RND2: variants seen among roughly 807,000 people sequenced by gnomAD.
RND2 encodes Rho family GTPase 2.
Under a neutral mutation model 25.9 loss-of-function variants are expected in RND2, and 16 were observed. That is an observed-to-expected ratio of 0.62 (90% CI 0.42 to 0.94). RND2 has a LOEUF of 0.94. RND2 is among the 40% of genes least tolerant of loss of function. RND2 has a pLI of 0.00. For synonymous variants in RND2, 97 were observed against 118.1 expected, an observed-to-expected ratio of 0.82 and a Z score of 1.16; for missense variants, 276 against 305.5, an observed-to-expected ratio of 0.90 and a Z score of 0.72.
chr17:43,030,971 G>A lies in RND2; in HGVS notation c.*2291G>A, dbSNP rs1162490929. 5 of 151,850 alleles carry A rather than the reference G, an allele frequency of 3.3e-5. No individual in the cohort carries two copies. The highest frequency in any genetic ancestry group is 4.8e-5 in the African/African-American group (2 of 41,334). The allele number at this position is 151,850 out of a possible 1,614,324, so 9.4% of individuals were successfully genotyped here. ...GTGTCATTTAAAATAATAGCTTCTC[G>A]GCAGTGGCTCACACCTATAATCCCA... On this transcript the variant is annotated 3_prime_UTR_variant, in exon 5 of 5. Coordinates refer to ENST00000587250, the MANE Select transcript of RND2 (RefSeq NM_005440.5).
chr17:43,026,030 A>G lies in RND2; in HGVS notation c.173A>G (p.Asn58Ser), dbSNP rs2050620530. 2 of 1,609,798 alleles carry G rather than the reference A, an allele frequency of 1.2e-6. No homozygotes were observed. Among genetic ancestry groups the G allele is most frequent in the South Asian group, 1.1e-5 (1 of 91,028 alleles). ...ATCGACAAGCGCCGCATTGAGCTCA[A>G]CATGTGGGACACTTCAGGTAGCCAA... ...FEIDKRRIEL[N>S]MWDTSGSSYY... The change falls in exon 2 of 5, where the codon AAC (asparagine) becomes AGC (serine). Residue 58 changes from asparagine to serine, a missense_variant. Coordinates refer to ENST00000587250, the MANE Select transcript of RND2 (RefSeq NM_005440.5).
In RND2 at chr17:43,028,921, G is replaced by C. The variant is rs1310716728; in HGVS notation, c.*241G>C. 1 of 583,368 alleles carries C rather than the reference G, an allele frequency of 1.7e-6. No homozygotes were observed. Among genetic ancestry groups the C allele is most frequent in the Non-Finnish European group, 2.9e-6 (1 of 339,536 alleles). The allele number at this position is 583,368 out of a possible 1,614,324, so 36.1% of individuals were successfully genotyped here. On this transcript the variant is annotated 3_prime_UTR_variant, in exon 5 of 5. Transcript: ENST00000587250. Reference sequence around the variant, plus strand: ...GGCTGGCATCTGGGGCATGAACTGGGATGGGGCAGGTGGGCGTTAGGGAAG... The same window carrying C: ...GGCTGGCATCTGGGGCATGAACTGGCATGGGGCAGGTGGGCGTTAGGGAAG...
chr17:43,025,666 C>A, intron 1 of RND2: 1 of 230,870 alleles, frequency 4.3e-6, no homozygotes, highest in Non-Finnish European at 7.1e-6. Flanking sequence ...TTGGGAGAAC[C>A]AGAGCATCCG....
intron 1 of RND2, 71 bp downstream of exon 1, chr17:43,025,520 G>T: frequency 1.3e-6 from 2 of 1,512,842 alleles, no homozygotes; most frequent in Non-Finnish European, 1.8e-6. Context: ...CCCTGGCGAC[G>T]GATGGGAATG....
chr17:43,025,462 C>T lies in RND2; in HGVS notation c.102+13C>T, dbSNP rs2050612908. Reference sequence around the variant, plus strand: ...CGCCTATCCCGGGGTGAGGGACCTGCGTCTTGGGAGGGGGACGCTAAGGCT... The same window carrying T: ...CGCCTATCCCGGGGTGAGGGACCTGTGTCTTGGGAGGGGGACGCTAAGGCT... On this transcript the variant is annotated intron_variant, in intron 1 of 4. Transcript: ENST00000587250. 2.7e-6 allele frequency: 4 copies of T among 1,486,896 alleles called. No homozygotes were observed. The highest frequency in any genetic ancestry group is 1.2e-5 in the South Asian group (1 of 80,460). 92.1% of individuals were successfully genotyped at this position (1,486,896 alleles called of 1,614,324 possible).
intron 2 of RND2, 88 bp downstream of exon 2, chr17:43,026,135 C>T: frequency 2.5e-6 from 2 of 811,702 alleles, no homozygotes; most frequent in Admixed American, 2.2e-5. Flanking sequence ...CCAGGTAAGC[C>T]CAGCCCATCC....
chr17:43,028,426 T>C lies in RND2; in HGVS notation c.436-6T>C. On this transcript the variant is annotated splice_region_variant and splice_polypyrimidine_tract_variant and intron_variant, in intron 4 of 4. Transcript: ENST00000587250. The stretch of plus-strand genomic sequence containing the variant: ...ACTTTCTCCCATGCACTCCTTCCTT[T>C]TCCAGGGCACTGTGCTGGCCAAGCA... 6.2e-7 allele frequency: 1 copy of C among 1,611,890 alleles called. No homozygotes were observed. The highest frequency in any genetic ancestry group is 1.1e-5 in the South Asian group (1 of 91,058).
chr17:43,028,209 C>T lies in RND2; in HGVS notation c.435+14C>T, dbSNP rs2050640045. 12 of 1,614,020 alleles carry T rather than the reference C, an allele frequency of 7.4e-6. No homozygotes were observed. The highest frequency in any genetic ancestry group is 2.2e-5 in the East Asian group (1 of 44,886). ...ACACATGAGCAGGTGGGACCCTTGA[C>T]GTCTGACCTCATCCCAGCCTAGACC... On this transcript the variant is annotated intron_variant, in intron 4 of 4. Coordinates refer to ENST00000587250, the MANE Select transcript of RND2 (RefSeq NM_005440.5).
chr17:43,025,657 T>G, intron 1 of RND2: 1 of 254,592 alleles, frequency 3.9e-6, no homozygotes, highest in Non-Finnish European at 6.1e-6. Context: ...AGATGGGGTT[T>G]GGGAGAACCA....
At chr17:43,026,641 T>TC (rs1178944287) in intron 2 of RND2, among the ~76,000 whole-genome samples, 3 of 152,122 alleles carry the variant, frequency 2.0e-5, no homozygotes, top group Non-Finnish European at 4.4e-5. Flanking sequence ...AGAGCGAGAC[T>TC]CCATCTCAAA....
At position 43,025,957 on chromosome 17, in the gene RND2, CAG is replaced by C. The variant is rs765574637; in HGVS notation, c.103_104del. 3.0e-5 allele frequency: 49 copies of C among 1,609,842 alleles called. No homozygotes were observed. Among genetic ancestry groups the C allele is most frequent in the Non-Finnish European group, 3.9e-5 (46 of 1,176,606 alleles). On this transcript the variant is annotated splice_acceptor_variant, in intron 1 of 4. Coordinates refer to ENST00000587250, the MANE Select transcript of RND2 (RefSeq NM_005440.5). LOFTEE classifies it high-confidence loss of function. ...TCTCATCTGGATCCATCCGTGTCTG[CAG>C]AGTTATGTCCCCACCGTGTTTGAGA...
rs1016068174 is a variant in RND2, at chr17:43,027,265, A to G, written c.273A>G (p.Pro91=). ...AVLICFDISR[P]ETLDSVLKKW... is the part of the protein sequence containing the mutation. ...TCATCTGCTTCGACATTAGCCGACCAGAAACACTGGACAGTGTTCTCAAGA... is the reference window on the plus strand; with the variant it reads ...TCATCTGCTTCGACATTAGCCGACCGGAAACACTGGACAGTGTTCTCAAGA... The change falls in exon 3 of 5, where the codon CCA becomes CCG. Residue 91 remains proline (P), a synonymous_variant. Coordinates refer to ENST00000587250, the MANE Select transcript of RND2 (RefSeq NM_005440.5). The G allele has an allele frequency of 1.2e-6, 2 of 1,612,866 alleles. No homozygotes were observed. Among genetic ancestry groups the G allele is most frequent in the African/African-American group, 1.3e-5 (1 of 74,904 alleles).
Position 43,027,219 on chromosome 17 carries a change from A to C in RND2, c.227A>C (p.Tyr76Ser). ...TATGATAATGTCCGGCCTCTGGCCT[A>C]TCCTGATTCTGATGCTGTGCTCATC... ...SYYDNVRPLA[Y>S]PDSDAVLICF... is the part of the protein sequence containing the mutation. The change falls in exon 3 of 5, where the codon TAT becomes TCT. Residue 76 changes from tyrosine (Y) to serine (S), a missense_variant. By Grantham distance (144) the Tyr-to-Ser change is moderately radical. Coordinates refer to ENST00000587250, the MANE Select transcript of RND2 (RefSeq NM_005440.5). The C allele has an allele frequency of 6.2e-7, 1 of 1,612,380 alleles. No individual in the cohort carries two copies. The highest frequency in any genetic ancestry group is 1.1e-5 in the South Asian group (1 of 90,848).
In RND2 at chr17:43,031,511, G is replaced by C. The variant is rs1381734511; in HGVS notation, c.*2831G>C. The C allele has an allele frequency of 6.6e-6, 1 of 152,192 alleles. No homozygotes were observed. Among genetic ancestry groups the C allele is most frequent in the Non-Finnish European group, 1.5e-5 (1 of 68,042 alleles). The allele number at this position is 152,192 out of a possible 1,614,324, so 9.4% of individuals were successfully genotyped here. A position where few individuals can be genotyped will look rare whatever the true frequency, so the allele number is the denominator to read the frequency against. ...CATAAAAATCGACTTGCGATTTTTA[G>C]CTGAGTGGCTTCTCTTTTCCACTTT... On this transcript the variant is annotated 3_prime_UTR_variant, in exon 5 of 5. Transcript: ENST00000587250.
rs888319443 is a variant in RND2 at position 43,031,202 on chromosome 17, C to T, written c.*2522C>T. 12 of 152,162 alleles carry T rather than the reference C, an allele frequency of 7.9e-5. No individual in the cohort carries two copies. The highest frequency in any genetic ancestry group is 2.9e-4 in the African/African-American group (12 of 41,434). 9.4% of individuals were successfully genotyped at this position (152,162 alleles called of 1,614,324 possible). The stretch of plus-strand genomic sequence containing the variant: ...GTTCCAGTCTTGAGAGGAAAGGAAT[C>T]CCTACCCACCACTCCCTGGATCATC... On this transcript the variant is annotated 3_prime_UTR_variant, in exon 5 of 5. Transcript: ENST00000587250.
At position 43,028,478 on chromosome 17, in the gene RND2, G is replaced by A. The variant is rs745483018; in HGVS notation, c.482G>A (p.Cys161Tyr). 4.0e-5 allele frequency: 64 copies of A among 1,614,102 alleles called. 1 individual carries two copies. The South Asian group carries it at 6.4e-4, about 16-fold the overall frequency. ...GTGGGGGCTGTGTCCTATGTTGAGT[G>A]CTCCTCCCGGTCCTCTGAGCGCAGC... ...KQVGAVSYVE[C>Y]SSRSSERSVR... The change falls in exon 5 of 5, where the codon TGC becomes TAC. Residue 161 changes from cysteine (C) to tyrosine (Y), a missense_variant. Cys to Tyr is a radical substitution (Grantham distance 194). Transcript: ENST00000587250.
At chr17:43,027,989 C>T in intron 3 of RND2, 72 bp from the exon 4 acceptor site, 1 of 1,527,868 alleles carries the variant, frequency 6.5e-7, no homozygotes, top group Non-Finnish European at 8.9e-7. Context: ...GGGCACACTG[C>T]TGGCATGGCA....
Position 43,029,919 on chromosome 17 carries a change from A to G in RND2, c.*1239A>G, listed in dbSNP as rs1401167595. ...ACTCTGTCTCCAAAAAAAAAAAAAA[A>G]AAAAAAAAAGAAGGCATCAAAAGCC... On this transcript the variant is annotated 3_prime_UTR_variant, in exon 5 of 5. Coordinates refer to ENST00000587250, the MANE Select transcript of RND2 (RefSeq NM_005440.5). The G allele has an allele frequency of 6.6e-6, 1 of 151,690 alleles. No individual in the cohort carries two copies. Among genetic ancestry groups the G allele is most frequent in the East Asian group, 1.9e-4 (1 of 5,186 alleles). 9.4% of individuals were successfully genotyped at this position (151,690 alleles called of 1,614,324 possible).
chr17:43,028,748 AG>A lies in RND2; in HGVS notation c.*70del. On this transcript the variant is annotated 3_prime_UTR_variant, in exon 5 of 5. Coordinates refer to ENST00000587250, the MANE Select transcript of RND2 (RefSeq NM_005440.5). ...CACAATTGTTCCCCTGCCTGCGCCC[AG>A]GCTTCCTGACCTCCTGATCCTGGCT... 6.7e-7 allele frequency: 1 copy of A among 1,491,564 alleles called. No individual in the cohort carries two copies. The highest frequency in any genetic ancestry group is 2.0e-5 in the Admixed American group (1 of 49,136). The allele number at this position is 1,491,564 out of a possible 1,614,324, so 92.4% of individuals were successfully genotyped here. A position where few individuals can be genotyped will look rare whatever the true frequency, so the allele number is the denominator to read the frequency against.
Sources: allele counts gnomAD v4.1 joint callset (sites outside exome capture counted in the v4.1 genomes callset), GRCh38; gene constraint gnomAD v4.1.1; transcripts MANE v1.5; gene names NCBI Gene and HGNC (gene_info 2026-07-23, HGNC 2026-07-21).